ANXA3: variants seen among roughly 807,000 people sequenced by gnomAD.
The protein encoded by ANXA3 is 35-alpha calcimedin.
ANXA3 carries 46 observed loss-of-function variants against 48.8 expected under a neutral mutation model. The ratio of observed to expected loss-of-function variants is 0.94; its 90% confidence interval spans 0.74 to 1.21. ANXA3 has a LOEUF of 1.21. Among genes scored for constraint, ANXA3 ranks in the 50% most tolerant of loss-of-function variants. The pLI is 0.00. For missense variants in ANXA3, 383 were observed against 378.6 expected, an observed-to-expected ratio of 1.01 and a Z score of -0.10; for synonymous variants, 128 against 134.7, an observed-to-expected ratio of 0.95 and a Z score of 0.35.
At chr4:78,555,442 C>T (rs552652684) in intron 2 of ANXA3, among the ~76,000 whole-genome samples, 2 of 152,154 alleles carry the variant, frequency 1.3e-5, no homozygotes, top group South Asian at 4.1e-4. Context: ...CCTTAACATA[C>T]AAATAACTTG....
chr4:78,557,721 C>A (rs1272924950), intron 2 of ANXA3, among the ~76,000 whole-genome samples: 1 of 149,788 alleles, frequency 6.7e-6, no homozygotes. Flanking sequence ...TGTTTACCTC[C>A]TCTCCCTCAA....
At chr4:78,552,058 T>C (rs1722398700) in intron 1 of ANXA3, 199 bp downstream of exon 1, 1 of 152,336 alleles carries the variant, frequency 6.6e-6, no homozygotes, top group South Asian at 2.1e-4. Flanking sequence ...AGTCCTGCAT[T>C]TCAGAGTCGA....
chr4:78,593,625 CATT>C (rs568701695), intron 7 of ANXA3, among the ~76,000 whole-genome samples: 26 of 146,960 alleles, frequency 1.8e-4, no homozygotes, highest in African/African-American at 2.3e-4. Flanking sequence ...CTTTCCTTTC[CATT>C]ATTATTATTA....
intron 6 of ANXA3, among the ~76,000 whole-genome samples, chr4:78,591,235 A>G (rs1172977812): frequency 6.6e-6 from 1 of 152,210 alleles, no homozygotes; most frequent in African/African-American, 2.4e-5. Context: ...AAGGCACACT[A>G]GTAGCTCATC....
chr4:78,607,803 G>C (rs7661370), intron 12 of ANXA3, among the ~76,000 whole-genome samples: 1 of 152,096 alleles, frequency 6.6e-6, no homozygotes, highest in African/African-American at 2.4e-5. Context: ...TCTTGAGCCT[G>C]CCTTTCAGGT....
chr4:78,554,658 G>A (rs1452095054), intron 2 of ANXA3, among the ~76,000 whole-genome samples, 170 bp downstream of exon 2: 1 of 152,122 alleles, frequency 6.6e-6, no homozygotes, highest in Non-Finnish European at 1.5e-5. Flanking sequence ...TTTTAAAAAT[G>A]CATTGTAAAG....
chr4:78,560,040 G>A (rs1011399058), intron 2 of ANXA3, among the ~76,000 whole-genome samples: 4 of 152,098 alleles, frequency 2.6e-5, no homozygotes, highest in Admixed American at 1.3e-4. Flanking sequence ...CTCCCCATTG[G>A]AATGGTTCTT....
At chr4:78,566,677 GA>G (rs1471623453) in intron 2 of ANXA3, among the ~76,000 whole-genome samples, 1 of 148,760 alleles carries the variant, frequency 6.7e-6, no homozygotes, top group Admixed American at 6.7e-5. Context: ...GGGAGGGTGG[GA>G]GGGGCTAAGG....
At chr4:78,554,927 C>T (rs377309761) in intron 2 of ANXA3, among the ~76,000 whole-genome samples, 150 of 152,228 alleles carry the variant, frequency 9.9e-4, no homozygotes, top group African/African-American at 3.1e-3. Context: ...ATGAATGGGC[C>T]GGGTGTGGTG....
At chr4:78,585,723 C>G (rs1025071607) in intron 5 of ANXA3, among the ~76,000 whole-genome samples, 2 of 152,178 alleles carry the variant, frequency 1.3e-5, no homozygotes, top group African/African-American at 4.8e-5. Flanking sequence ...GTGTATATGA[C>G]TTTTCTTGGA....
intron 10 of ANXA3, among the ~76,000 whole-genome samples, chr4:78,598,788 C>A (rs1723479431): frequency 6.6e-6 from 1 of 152,110 alleles, no homozygotes; most frequent in South Asian, 2.1e-4. Flanking sequence ...GATCCGCCCA[C>A]CTCTGCCTCC....
intron 5 of ANXA3, among the ~76,000 whole-genome samples, chr4:78,585,697 A>T (rs1466253365): frequency 6.6e-6 from 1 of 152,234 alleles, no homozygotes; most frequent in African/African-American, 2.4e-5. Context: ...CACTGGCCTT[A>T]TTCAATCAAG....
chr4:78,606,283 T>C (rs985873761), intron 12 of ANXA3, among the ~76,000 whole-genome samples: 1 of 152,174 alleles, frequency 6.6e-6, no homozygotes, highest in Non-Finnish European at 1.5e-5. Flanking sequence ...TAGAAGGTGA[T>C]CCAGGATGAA....
At chr4:78,593,780 G>A (rs932404968) in intron 7 of ANXA3, among the ~76,000 whole-genome samples, 12 of 145,996 alleles carry the variant, frequency 8.2e-5, no homozygotes, top group African/African-American at 3.1e-4. Flanking sequence ...GGGACCACAG[G>A]TGTACACCAC....
intron 11 of ANXA3, 27 bp from the exon 12 acceptor site, chr4:78,604,250 G>C (rs5942): frequency 3.7e-5 from 58 of 1,579,870 alleles, no homozygotes; most frequent in Non-Finnish European, 4.8e-5. Flanking sequence ...TGACATTTGT[G>C]TTGTGAACAC....
chr4:78,565,626 A>G (rs1017954996), intron 2 of ANXA3, among the ~76,000 whole-genome samples: 11 of 152,230 alleles, frequency 7.2e-5, no homozygotes, highest in Admixed American at 2.0e-4. Flanking sequence ...AACTGGAGCC[A>G]GATTGCCTAG....
At chr4:78,597,087 G>A in intron 9 of ANXA3, 1 of 414,498 alleles carries the variant, frequency 2.4e-6, no homozygotes, top group South Asian at 2.7e-5. Context: ...AGGGGAAAGA[G>A]AAAGAGAGAT....
intron 10 of ANXA3, among the ~76,000 whole-genome samples, chr4:78,597,984 T>C (rs1252824061): frequency 6.6e-6 from 1 of 152,182 alleles, no homozygotes; most frequent in Non-Finnish European, 1.5e-5. Flanking sequence ...TGTAGACTTC[T>C]TGAGAGCTGA....
chr4:78,591,653 C>T lies in ANXA3; in HGVS notation c.483+30C>T. On this transcript the variant is annotated intron_variant, in intron 7 of 12. Coordinates refer to ENST00000264908, the MANE Select transcript of ANXA3 (RefSeq NM_005139.3). ...GGTTTTATTTTTTATTTTTTAACTC[C>T]CCAGTAAGCTGCATGCTCAATAACA... 2.0e-6 allele frequency: 3 copies of T among 1,486,012 alleles called. No homozygotes were observed. In the Admixed American group the frequency reaches 5.1e-5, roughly 25 times the overall value. The allele number at this position is 1,486,012 out of a possible 1,614,324, so 92.1% of individuals were successfully genotyped here. A position where few individuals can be genotyped will look rare whatever the true frequency, so the allele number is the denominator to read the frequency against.
Sources: gnomAD v4.1 joint callset for allele counts (sites outside exome capture counted in the v4.1 genomes callset) on GRCh38, gnomAD v4.1.1 for gene constraint, MANE v1.5 for transcripts, NCBI Gene and HGNC (gene_info 2026-07-23, HGNC 2026-07-21) for gene names.